VPS33A: variants seen among roughly 807,000 people sequenced by gnomAD.
The protein encoded by VPS33A is VPS33A core subunit of CORVET and HOPS complexes.
A neutral mutation model predicts 71.8 loss-of-function variants in VPS33A; 32 were observed. The observed-to-expected ratio is 0.45, with a 90% CI of 0.34 to 0.60. The LOEUF (loss-of-function observed/expected upper bound fraction) is 0.60, where lower values mean the gene tolerates loss of function less well. VPS33A is among the 20% of genes least tolerant of loss of function. The probability of loss-of-function intolerance (pLI) is 0.02; values close to 1 mark genes in which losing one functional copy is unlikely to be tolerated. For missense variants in VPS33A, 625 were observed against 748.5 expected (o/e 0.84, Z 1.92); for synonymous variants, 311 against 292.7 (o/e 1.06, Z -0.64).
At chr12:122,232,662 C>A in intron 12 of VPS33A, 138 bp downstream of exon 12, 1 of 1,174,848 alleles carries the variant, frequency 8.5e-7, no homozygotes, top group Non-Finnish European at 1.2e-6. Context: ...GTTCTTACTA[C>A]ATACATTAGC....
chr12:122,232,340 T>C lies in VPS33A; in HGVS notation c.1697A>G (p.Gln566Arg), dbSNP rs1320837117. Reference protein sequence around the residue: ...AEIAALRFLSQLEDGGTEYVI... With the variant: ...AEIAALRFLSRLEDGGTEYVI... Reference sequence around the variant, plus strand: ...ATATTCTGTACCTCCATCTTCCAACTGGGAGAGAAATCGCAGGGCAGCAAT... The same window carrying C: ...ATATTCTGTACCTCCATCTTCCAACCGGGAGAGAAATCGCAGGGCAGCAAT... Residue 566 changes from glutamine (Q) to arginine (R), a missense_variant, in exon 13 of 13, where the codon CAG (glutamine) becomes CGG (arginine). Transcript: ENST00000267199. The C allele has an allele frequency of 2.5e-6, 4 of 1,614,224 alleles. No individual in the cohort carries two copies. The highest frequency in any genetic ancestry group is 3.4e-6 in the Non-Finnish European group (4 of 1,180,036).
At chr12:122,250,297 T>C in intron 5 of VPS33A, 2 of 432,892 alleles carry the variant, frequency 4.6e-6, no homozygotes, top group Non-Finnish European at 4.1e-6. Flanking sequence ...GCAGTAGTTA[T>C]GTTCTATGAA....
rs370160099 is a variant in VPS33A at position 122,232,061 on chromosome 12, GAA to G, written c.*183_*184del. 132 of 465,406 alleles carry G rather than the reference GAA, an allele frequency of 2.8e-4. No homozygotes were observed. The highest frequency in any genetic ancestry group is 9.5e-4 in the South Asian group (24 of 25,200). 28.8% of individuals were successfully genotyped at this position (465,406 alleles called of 1,614,324 possible). A position where few individuals can be genotyped will look rare whatever the true frequency, so the allele number is the denominator to read the frequency against. On this transcript the variant is annotated 3_prime_UTR_variant, in exon 13 of 13. Transcript: ENST00000267199. ...GACAGAGCAAGACTCCGTCTCAAAG[GAA>G]AAAAAAAAAGGGAATACAAAAGAGA...
chr12:122,238,014 C>T (rs183090972), intron 10 of VPS33A, among the ~76,000 whole-genome samples: 17 of 150,968 alleles, frequency 1.1e-4, no homozygotes, highest in African/African-American at 3.2e-4. Context: ...TGGCCTCCAG[C>T]GATCCTCCTG....
chr12:122,232,688 T>C, intron 12 of VPS33A, 112 bp downstream of exon 12: 1 of 1,333,762 alleles, frequency 7.5e-7, no homozygotes, highest in Non-Finnish European at 1.0e-6. Context: ...ACAAAAGAGG[T>C]GTATTTAATT....
chr12:122,239,528 A>T (rs990036066), intron 9 of VPS33A, among the ~76,000 whole-genome samples: 13 of 152,084 alleles, frequency 8.5e-5, no homozygotes, highest in African/African-American at 2.2e-4. Context: ...AAGGTCGGAG[A>T]TCGAGACCAT....
rs1955068633 is a variant in VPS33A, at chr12:122,266,192, C to T, written c.102+115G>A. The T allele has an allele frequency of 5.6e-6, 8 of 1,438,878 alleles. 1 individual carries two copies. In the South Asian group the frequency reaches 1.1e-4, roughly 19 times the overall value. 89.1% of individuals were successfully genotyped at this position (1,438,878 alleles called of 1,614,324 possible). The stretch of plus-strand genomic sequence containing the variant: ...GCAGGTAAAAGGGCCCTGAGGCTCG[C>T]CTCCTTGGAAGCCCCAAGGACCTCA... On this transcript the variant is annotated intron_variant, in intron 1 of 12. Coordinates refer to ENST00000267199, the MANE Select transcript of VPS33A (RefSeq NM_022916.6).
At position 122,232,788 on chromosome 12, in the gene VPS33A, A is replaced by C. The variant is rs756081838; in HGVS notation, c.1609+12T>G. On this transcript the variant is annotated intron_variant, in intron 12 of 12. Coordinates refer to ENST00000267199, the MANE Select transcript of VPS33A (RefSeq NM_022916.6). ...GTACATAATTATCTGTAGATGCTGG[A>C]CTGGGACTTACGTTTCTTCTGCAGT... The C allele has an allele frequency of 8.1e-6, 13 of 1,607,992 alleles. No individual in the cohort carries two copies. Among genetic ancestry groups the C allele is most frequent in the Non-Finnish European group, 1.1e-5 (13 of 1,176,140 alleles).
chr12:122,235,664 C>CA, intron 11 of VPS33A, 122 bp downstream of exon 11: 1 of 1,363,138 alleles, frequency 7.3e-7, no homozygotes, highest in Non-Finnish European at 9.9e-7. Context: ...ATTACTTTTT[C>CA]AAAAACATTA....
intron 11 of VPS33A, among the ~76,000 whole-genome samples, chr12:122,235,377 G>A (rs1466756178): frequency 1.3e-5 from 2 of 150,858 alleles, no homozygotes; most frequent in East Asian, 3.9e-4. Context: ...CAATTCTCCT[G>A]CCTCAGCCCC....
At chr12:122,250,592 G>T (rs952744907) in intron 5 of VPS33A, among the ~76,000 whole-genome samples, 5 of 152,064 alleles carry the variant, frequency 3.3e-5, no homozygotes, top group Non-Finnish European at 5.9e-5. Flanking sequence ...CAAGACACCC[G>T]ACTGCACCTC....
chr12:122,264,672 T>C (rs1218064697), intron 1 of VPS33A: 1 of 152,416 alleles, frequency 6.6e-6, no homozygotes, highest in East Asian at 1.9e-4. Context: ...ATTACAAGCA[T>C]GAGCCACTGC....
At chr12:122,263,975 G>A (rs1434464730) in intron 2 of VPS33A, among the ~76,000 whole-genome samples, 159 bp downstream of exon 2, 2 of 152,092 alleles carry the variant, frequency 1.3e-5, no homozygotes, top group Non-Finnish European at 2.9e-5. Flanking sequence ...AGAATCACTG[G>A]CCAATGGATA....
At chr12:122,243,882 T>C (rs1267687823) in intron 7 of VPS33A, among the ~76,000 whole-genome samples, 1 of 152,014 alleles carries the variant, frequency 6.6e-6, no homozygotes, top group Non-Finnish European at 1.5e-5. Context: ...ATTGTACCAC[T>C]ACACCCATCC....
intron 12 of VPS33A, among the ~76,000 whole-genome samples, 175 bp downstream of exon 12, chr12:122,232,625 T>C (rs1954578099): frequency 6.6e-6 from 1 of 152,204 alleles, no homozygotes; most frequent in South Asian, 2.1e-4. Context: ...TGAAAGCTGC[T>C]ATCCCTCAGG....
intron 6 of VPS33A, among the ~76,000 whole-genome samples, chr12:122,247,740 C>T (rs1954793868): frequency 6.6e-6 from 1 of 152,096 alleles, no homozygotes; most frequent in Non-Finnish European, 1.5e-5. Flanking sequence ...TAGTTCCACA[C>T]TTTTTTATCC....
chr12:122,266,362 C>A lies in VPS33A; in HGVS notation c.47G>T (p.Arg16Leu), dbSNP rs780469814. ...GCGCAGCTCGCGACGCACCGCCTCG[C>A]GCAACACGTTTAGGTTCACTCGGCC... is the stretch of plus-strand genomic sequence containing the variant. Reference protein sequence around the residue: ...SYGRVNLNVLREAVRRELREF... With the variant: ...SYGRVNLNVLLEAVRRELREF... Residue 16 changes from arginine (R) to leucine (L), a missense_variant, in exon 1 of 13, where the codon CGC (arginine) becomes CTC (leucine). Transcript: ENST00000267199. 1.3e-5 allele frequency: 21 copies of A among 1,613,522 alleles called. No individual in the cohort carries two copies. In the East Asian group the frequency reaches 4.5e-4, roughly 34 times the overall value.
chr12:122,261,020 C>CA (rs1304750892), intron 4 of VPS33A, among the ~76,000 whole-genome samples: 19 of 152,192 alleles, frequency 1.2e-4, no homozygotes, highest in Non-Finnish European at 2.1e-4. Context: ...AGACAAGTCA[C>CA]AGACTGGGAA....
chr12:122,257,576 G>A (rs745990979), intron 4 of VPS33A, among the ~76,000 whole-genome samples: 4 of 151,948 alleles, frequency 2.6e-5, no homozygotes, highest in Non-Finnish European at 5.9e-5. Context: ...GGGAGGCTGA[G>A]GCAGGAGAAC....
Sources: gnomAD v4.1 joint callset for allele counts (sites outside exome capture counted in the v4.1 genomes callset) on GRCh38, gnomAD v4.1.1 for gene constraint, MANE v1.5 for transcripts, NCBI Gene and HGNC (gene_info 2026-07-23, HGNC 2026-07-21) for gene names.